The following TOP1 variants were observed in gnomAD, a reference collection of about 807,000 sequenced individuals.
The protein encoded by TOP1 is DNA topoisomerase 1.
In TOP1, 10 loss-of-function variants were observed where a neutral mutation model predicts 111.1. The ratio of observed to expected loss-of-function variants is 0.09; its 90% CI spans 0.06 to 0.15. The LOEUF (loss-of-function observed/expected upper bound fraction) is 0.15, where lower values mean the gene tolerates loss of function less well. Ranked by LOEUF, TOP1 falls within the 10% of genes least tolerant of loss-of-function variation. The pLI, the probability that TOP1 is intolerant of heterozygous loss-of-function variation, is 1.00. For missense variants in TOP1, 474 were observed against 926.7 expected (o/e 0.51, Z 6.34); for synonymous variants, 271 against 302.9 (o/e 0.89, Z 1.10).
In TOP1 at chr20:41,067,294, T is replaced by A. The variant is rs753943787; in HGVS notation, c.155+5804T>A. The stretch of plus-strand genomic sequence containing the variant: ...TGCCACCACGCCGAGCTAATTTTTG[T>A]ATTTTTGGTAGAGACGAGGTTTCAC... On this transcript the variant is annotated intron_variant, in intron 3 of 20. Coordinates refer to ENST00000361337, the MANE Select transcript of TOP1 (RefSeq NM_003286.4). This position sits in a 1 kb window ranked among gnomAD's most constrained non-coding sequence, Gnocchi z 4.0. Among the ~76,000 whole-genome samples the A allele has an allele frequency of 5.9e-5, 9 of 151,922 alleles. No homozygotes were observed. Among genetic ancestry groups the A allele is most frequent in the Non-Finnish European group, 1.3e-4 (9 of 67,996 alleles).
At chr20:41,072,494 A>G in intron 3 of TOP1, 1 of 985,460 alleles carries the variant, frequency 1.0e-6, no homozygotes, top group Non-Finnish European at 1.2e-6. Context: ...ACTCCATTTT[A>G]TATGCTGGCC....
chr20:41,038,020 A>G (rs1290507167), intron 2 of TOP1, among the ~76,000 whole-genome samples: 1 of 152,236 alleles, frequency 6.6e-6, no homozygotes, highest in Non-Finnish European at 1.5e-5. Context: ...TGGGAAGATG[A>G]GTATTTGTTA....
At chr20:41,062,551 A>C (rs528433470) in intron 3 of TOP1, among the ~76,000 whole-genome samples, 2 of 152,140 alleles carry the variant, frequency 1.3e-5, no homozygotes, top group African/African-American at 4.8e-5. Flanking sequence ...AATCTACTCT[A>C]CATCTTTTCT....
chr20:41,057,274 C>G (rs1394040427), intron 2 of TOP1, among the ~76,000 whole-genome samples: 1 of 149,750 alleles, frequency 6.7e-6, no homozygotes, highest in African/African-American at 2.5e-5. Context: ...CTCAGCTACT[C>G]AGGAGGCTGA....
chr20:41,107,220 T>C (rs1043617419), intron 13 of TOP1, among the ~76,000 whole-genome samples: 1 of 152,224 alleles, frequency 6.6e-6, no homozygotes, highest in African/African-American at 2.4e-5. Flanking sequence ...TATGTATTTA[T>C]AGATAGACTT....
chr20:41,102,180 A>C lies in TOP1; in HGVS notation c.1308+827A>C, dbSNP rs952569602. Among the ~76,000 whole-genome samples, 6 of 152,254 alleles carry C rather than the reference A, an allele frequency of 3.9e-5. No homozygotes were observed. The highest frequency in any genetic ancestry group is 2.6e-4 in the Admixed American group (4 of 15,288). ...AGGTTATAACATCTGTTAAAATGTG[A>C]AAGCCACAGCTGAAAAGGCTATGTG... On this transcript the variant is annotated intron_variant, in intron 13 of 20. Coordinates refer to ENST00000361337, the MANE Select transcript of TOP1 (RefSeq NM_003286.4). This position sits in a 1 kb window ranked among gnomAD's most constrained non-coding sequence, Gnocchi z 4.0.
In TOP1 at chr20:41,104,998, G is replaced by A. The variant is rs151031295; in HGVS notation, c.1308+3645G>A. ...ATAGATAATTATGTAATGAACACTC[G>A]TATGTCCACCATCTGGCTTTGTAAA... On this transcript the variant is annotated intron_variant, in intron 13 of 20. Transcript: ENST00000361337. 2.9e-4 allele frequency among the ~76,000 whole-genome samples: 44 copies of A among 152,236 alleles called. No individual in the cohort carries two copies. In the East Asian group the frequency reaches 7.1e-3, roughly 25 times the overall value.
chr20:41,049,389 G>A (rs920030728), intron 2 of TOP1, among the ~76,000 whole-genome samples: 2 of 152,122 alleles, frequency 1.3e-5, no homozygotes, highest in African/African-American at 4.8e-5. Context: ...AGTTTCCGAT[G>A]GTATTTCCCC....
chr20:41,046,119 A>G lies in TOP1; in HGVS notation c.59-15275A>G, dbSNP rs2033330881. Among the ~76,000 whole-genome samples the G allele has an allele frequency of 6.6e-6, 1 of 152,238 alleles. No individual in the cohort carries two copies. The highest frequency in any genetic ancestry group is 1.5e-5 in the Non-Finnish European group (1 of 68,034). On this transcript the variant is annotated intron_variant, in intron 2 of 20. Transcript: ENST00000361337. This position sits in a 1 kb window ranked among gnomAD's most constrained non-coding sequence, Gnocchi z 4.3. Reference sequence around the variant, plus strand: ...TCAGTTTTCGTGGGATGCAAGGAGAAAATGAATAGGAATGAAATAAATAGC... The same window carrying G: ...TCAGTTTTCGTGGGATGCAAGGAGAGAATGAATAGGAATGAAATAAATAGC...
chr20:41,111,920 A>G (rs1270902982), intron 13 of TOP1, among the ~76,000 whole-genome samples: 6 of 151,768 alleles, frequency 4.0e-5, no homozygotes, highest in Non-Finnish European at 8.8e-5. Context: ...TTGTGAGTCT[A>G]TTTTCATTCA....
chr20:41,055,651 G>A (rs975335175), intron 2 of TOP1, among the ~76,000 whole-genome samples: 28 of 152,162 alleles, frequency 1.8e-4, no homozygotes, highest in Admixed American at 1.7e-3. Context: ...TCACCTGGAC[G>A]TAAAGACTTT....
Position 41,111,999 on chromosome 20 carries a change from T to C in TOP1, c.1309-783T>C, listed in dbSNP as rs189620985. ...TTCACATGGTTTTAGTAACCCTTCATTGGGTTTAGAATCAACTTTTAACCC... is the reference window on the plus strand; with the variant it reads ...TTCACATGGTTTTAGTAACCCTTCACTGGGTTTAGAATCAACTTTTAACCC... On this transcript the variant is annotated intron_variant, in intron 13 of 20. Coordinates refer to ENST00000361337, the MANE Select transcript of TOP1 (RefSeq NM_003286.4). Among the ~76,000 whole-genome samples the C allele has an allele frequency of 4.1e-3, 617 of 152,318 alleles. 11 individuals are homozygous for C. The highest frequency in any genetic ancestry group is 0.028 in the Admixed American group (429 of 15,302).
intron 2 of TOP1, among the ~76,000 whole-genome samples, chr20:41,051,791 A>G (rs916269492): frequency 6.6e-6 from 1 of 151,982 alleles, no homozygotes; most frequent in Non-Finnish European, 1.5e-5. Context: ...GTGAATGGGT[A>G]TGGTTGCTGC....
intron 3 of TOP1, among the ~76,000 whole-genome samples, chr20:41,068,133 A>G (rs2033629024): frequency 6.6e-6 from 1 of 152,236 alleles, no homozygotes. Context: ...CCTTACTTGT[A>G]TGCATATGGT....
chr20:41,098,504 G>A lies in TOP1; in HGVS notation c.975+167G>A. On this transcript the variant is annotated intron_variant, in intron 11 of 20. Coordinates refer to ENST00000361337, the MANE Select transcript of TOP1 (RefSeq NM_003286.4). This position sits in a 1 kb window ranked among gnomAD's most constrained non-coding sequence, Gnocchi z 5.7. ...TAAATTTTCTTAAAGGTTTTAGTTA[G>A]ACTGAAAATTGTGAACAAGTACTTT... 1.3e-6 allele frequency: 1 copy of A among 752,244 alleles called. No individual in the cohort carries two copies. 46.6% of individuals were successfully genotyped at this position (752,244 alleles called of 1,614,324 possible).
At chr20:41,043,490 G>A (rs556438241) in intron 2 of TOP1, among the ~76,000 whole-genome samples, 2 of 152,238 alleles carry the variant, frequency 1.3e-5, no homozygotes, top group South Asian at 2.1e-4. Context: ...TGCCACTTCA[G>A]TAGGAGAGGT....
In TOP1 at chr20:41,102,268, A is replaced by G. The variant is rs1423005714; in HGVS notation, c.1308+915A>G. Among the ~76,000 whole-genome samples, 1 of 152,154 alleles carries G rather than the reference A, an allele frequency of 6.6e-6. No individual in the cohort carries two copies. Among genetic ancestry groups the G allele is most frequent in the Non-Finnish European group, 1.5e-5 (1 of 68,028 alleles). ...GCCCTGTGTTCTTCTGTATATCACT[A>G]CTTTTCTAATGAAAAATACCTGTTT... On this transcript the variant is annotated intron_variant, in intron 13 of 20. Coordinates refer to ENST00000361337, the MANE Select transcript of TOP1 (RefSeq NM_003286.4). The surrounding 1 kb of genome is among the most constrained non-coding windows in gnomAD (Gnocchi z 4.0).
At chr20:41,096,248 A>G (rs2033980964) in intron 9 of TOP1, among the ~76,000 whole-genome samples, 2 of 152,162 alleles carry the variant, frequency 1.3e-5, no homozygotes, top group Admixed American at 1.3e-4. Context: ...TTATATTTTT[A>G]GTAGAGATGG....
At position 41,118,402 on chromosome 20, in the gene TOP1, A is replaced by T; in HGVS notation, c.1950+106A>T. On this transcript the variant is annotated intron_variant, in intron 18 of 20. Transcript: ENST00000361337. The surrounding 1 kb of genome is among the most constrained non-coding windows in gnomAD (Gnocchi z 4.6). ...AGCAGGCCAGTGCTGGGTCTGTTGT[A>T]GAAGGTCTATGCTAAAGATAAACAA... The T allele has an allele frequency of 7.4e-7, 1 of 1,348,592 alleles. No homozygotes were observed. Among genetic ancestry groups the T allele is most frequent in the Non-Finnish European group, 1.0e-6 (1 of 970,174 alleles). 83.5% of individuals were successfully genotyped at this position (1,348,592 alleles called of 1,614,324 possible).
Sources: allele counts gnomAD v4.1 joint callset (sites outside exome capture counted in the v4.1 genomes callset), GRCh38; gene constraint gnomAD v4.1.1; non-coding constraint Gnocchi (gnomAD v3.1); transcripts MANE v1.5; gene names NCBI Gene and HGNC (gene_info 2026-07-23, HGNC 2026-07-21).